The following RREB1 variants were observed in gnomAD, a reference collection of about 807,000 sequenced individuals.
The protein encoded by RREB1 is ras responsive element binding protein 1, also known as ras-responsive element-binding protein 1.
Under a neutral mutation model 117.8 loss-of-function variants are expected in RREB1, and 27 were observed. The observed-to-expected ratio is 0.23, with a 90% CI of 0.17 to 0.32. RREB1 has a LOEUF of 0.32. Among genes scored for constraint, RREB1 ranks in the 10% least tolerant of loss-of-function variants. The pLI is 1.00. For synonymous variants in RREB1, 1,298 were observed against 1,026.7 expected, an observed-to-expected ratio of 1.26 and a Z score of -5.05; for missense variants, 2,577 against 2,378.2, an observed-to-expected ratio of 1.08 and a Z score of -1.74.
intron 6 of RREB1, among the ~76,000 whole-genome samples, chr6:7,194,915 T>G (rs962786618): frequency 1.3e-5 from 2 of 152,224 alleles, no homozygotes; most frequent in African/African-American, 4.8e-5. Flanking sequence ...ACCTGACACC[T>G]CTGTGTCCTA....
Position 7,231,591 on chromosome 6 carries a change from C to A in RREB1, c.3492C>A (p.Arg1164=). Residue 1164 remains arginine, a synonymous_variant, in exon 10 of 13, where the codon CGC becomes CGA. Transcript: ENST00000379938. Reference sequence around the variant, plus strand: ...AAAGGGGGATGAGGAGCCGACCCCGCGCCAACAGCGGCGGGGTGGACCTGG... The same window carrying A: ...AAAGGGGGATGAGGAGCCGACCCCGAGCCAACAGCGGCGGGGTGGACCTGG... ...GRKRGMRSRP[R]ANSGGVDLDS... 1.2e-6 allele frequency: 2 copies of A among 1,611,970 alleles called. No homozygotes were observed. The highest frequency in any genetic ancestry group is 1.3e-5 in the African/African-American group (1 of 75,028).
At chr6:7,241,030 TCC>T (rs931224608) in intron 11 of RREB1, among the ~76,000 whole-genome samples, 7 of 152,168 alleles carry the variant, frequency 4.6e-5, no homozygotes, top group African/African-American at 1.4e-4. Context: ...AGGCCTGGGC[TCC>T]CTGGGATATC....
At chr6:7,155,671 T>G (rs1355351421) in intron 1 of RREB1, among the ~76,000 whole-genome samples, 1 of 152,262 alleles carries the variant, frequency 6.6e-6, no homozygotes, top group African/African-American at 2.4e-5. Flanking sequence ...ATAAAATAGT[T>G]TCCTCCCCTT....
intron 4 of RREB1, 44 bp downstream of exon 4, chr6:7,182,126 A>G (rs776738414): frequency 5.3e-6 from 8 of 1,521,594 alleles, no homozygotes; most frequent in East Asian, 4.5e-5. Flanking sequence ...GGTTCAATCC[A>G]TGAGAACATT....
chr6:7,181,976 C>T lies in RREB1; in HGVS notation c.65C>T (p.Ser22Leu), dbSNP rs1006469231. The T allele has an allele frequency of 4.3e-6, 7 of 1,614,032 alleles. No homozygotes were observed. The highest frequency in any genetic ancestry group is 1.3e-5 in the African/African-American group (1 of 74,934). The change falls in exon 4 of 13, where the codon TCG becomes TTG. Residue 22 changes from serine (S) to leucine (L), a missense_variant. By Grantham distance (145) the Ser-to-Leu change is moderately radical (BLOSUM62 -2). Coordinates refer to ENST00000379938, the MANE Select transcript of RREB1 (RefSeq NM_001003699.4). ...CTATCTTCCATCAACACCATGATGT[C>T]GGCGGTCATGAGTGTAGGGAAGGTC... is the stretch of plus-strand genomic sequence containing the variant. ...SDLSSINTMM[S>L]AVMSVGKVTE...
At chr6:7,157,073 TTTCTC>T (rs1158409697) in intron 1 of RREB1, among the ~76,000 whole-genome samples, 1 of 152,202 alleles carries the variant, frequency 6.6e-6, no homozygotes, top group Non-Finnish European at 1.5e-5. Flanking sequence ...CAGCTCTTCT[TTTCTC>T]TTCTTCTTAC....
intron 1 of RREB1, among the ~76,000 whole-genome samples, chr6:7,156,763 A>G (rs899589442): frequency 3.9e-5 from 6 of 152,226 alleles, no homozygotes; most frequent in Non-Finnish European, 8.8e-5. Flanking sequence ...GCCCTTTGAA[A>G]TAAGACAATC....
At position 7,249,232 on chromosome 6, in the gene RREB1, A is replaced by AT. The variant is rs1769306211; in HGVS notation, c.*269dup. On this transcript the variant is annotated 3_prime_UTR_variant, in exon 13 of 13. Coordinates refer to ENST00000379938, the MANE Select transcript of RREB1 (RefSeq NM_001003699.4). ...CCCTCCATATTATCATGGGTGTTGT[A>AT]TTTTTCCAAAATGACTTCTTAAACA... 2 of 433,342 alleles carry AT rather than the reference A, an allele frequency of 4.6e-6. No homozygotes were observed. Among genetic ancestry groups the AT allele is most frequent in the East Asian group, 6.8e-5 (2 of 29,390 alleles). 26.8% of individuals were successfully genotyped at this position (433,342 alleles called of 1,614,324 possible).
At chr6:7,241,755 C>CT (rs2113171620) in intron 11 of RREB1, among the ~76,000 whole-genome samples, 1 of 152,318 alleles carries the variant, frequency 6.6e-6, no homozygotes, top group East Asian at 1.9e-4. Context: ...ACTGTGAGTG[C>CT]TCTTGACTGC....
At chr6:7,196,217 C>CTT (rs1765660409) in intron 6 of RREB1, among the ~76,000 whole-genome samples, 1 of 109,732 alleles carries the variant, frequency 9.1e-6, no homozygotes, top group African/African-American at 4.2e-5. Context: ...TTTTTTTTTT[C>CTT]GTTTTTTTTT....
intron 1 of RREB1, among the ~76,000 whole-genome samples, chr6:7,139,897 C>G (rs1176439233): frequency 6.6e-6 from 1 of 152,182 alleles, no homozygotes; most frequent in Non-Finnish European, 1.5e-5. Flanking sequence ...TACATAGATG[C>G]TGTTAACAGA....
In RREB1 at chr6:7,223,130, C is replaced by A. The variant is rs1473649620; in HGVS notation, c.708-3337C>A. 1.3e-5 allele frequency among the ~76,000 whole-genome samples: 2 copies of A among 151,878 alleles called. 1 individual carries two copies. Among genetic ancestry groups the A allele is most frequent in the Non-Finnish European group, 2.9e-5 (2 of 67,982 alleles). On this transcript the variant is annotated intron_variant, in intron 8 of 12. Transcript: ENST00000379938. ...AATTAGCCAGGCATAGTGGCACATG[C>A]CTATAGTCCCAGCTATGAAGGGAGG...
At chr6:7,122,248 A>ATC (rs763614157) in intron 1 of RREB1, among the ~76,000 whole-genome samples, 6 of 151,942 alleles carry the variant, frequency 3.9e-5, no homozygotes, top group Non-Finnish European at 7.4e-5. Flanking sequence ...GTGAATTTCC[A>ATC]TCTCTCTCTC....
chr6:7,241,984 G>A (rs1202088057), intron 11 of RREB1, among the ~76,000 whole-genome samples: 2 of 152,200 alleles, frequency 1.3e-5, no homozygotes, highest in Non-Finnish European at 2.9e-5. Flanking sequence ...GCAGGCACGC[G>A]TTTGCTGCAG....
intron 10 of RREB1, among the ~76,000 whole-genome samples, chr6:7,232,485 T>A (rs1768058962): frequency 6.6e-6 from 1 of 152,216 alleles, no homozygotes; most frequent in Non-Finnish European, 1.5e-5. Context: ...ATTGTGAAAA[T>A]CAGCAATGAG....
chr6:7,229,937 A>G lies in RREB1; in HGVS notation c.1838A>G (p.Lys613Arg). Reference sequence around the variant, plus strand: ...CTGCTGCCGCTGAGCATGGAGGCCAAGATCAAGCAGGAGATCACAGAGGGG... The same window carrying G: ...CTGCTGCCGCTGAGCATGGAGGCCAGGATCAAGCAGGAGATCACAGAGGGG... ...EALLPLSMEAKIKQEITEGEL... is the reference protein window; with the variant it reads ...EALLPLSMEARIKQEITEGEL... Residue 613 changes from lysine to arginine, a missense_variant, in exon 10 of 13, where the codon AAG becomes AGG. By Grantham distance (26) the Lys-to-Arg change is conservative. Transcript: ENST00000379938. The surrounding 1 kb of genome is among the most constrained non-coding windows in gnomAD (Gnocchi z 4.5). The G allele has an allele frequency of 6.2e-7, 1 of 1,601,072 alleles. No individual in the cohort carries two copies. The highest frequency in any genetic ancestry group is 8.5e-7 in the Non-Finnish European group (1 of 1,170,802).
intron 1 of RREB1, among the ~76,000 whole-genome samples, chr6:7,149,090 T>C (rs1034595592): frequency 3.3e-5 from 5 of 152,234 alleles, no homozygotes; most frequent in East Asian, 3.9e-4. Context: ...ACCCAGCTAA[T>C]TTTTGTATTT....
At chr6:7,170,167 A>G (rs1236110462) in intron 1 of RREB1, among the ~76,000 whole-genome samples, 1 of 152,252 alleles carries the variant, frequency 6.6e-6, no homozygotes, top group East Asian at 1.9e-4. Flanking sequence ...GGTCAAGACC[A>G]GCGGGGTATT....
At chr6:7,188,145 G>A (rs1765183880) in intron 5 of RREB1, among the ~76,000 whole-genome samples, 1 of 152,114 alleles carries the variant, frequency 6.6e-6, no homozygotes, top group South Asian at 2.1e-4. Context: ...TGCAGCCTGG[G>A]TGACAGACCG....
Sources: allele counts gnomAD v4.1 joint callset (sites outside exome capture counted in the v4.1 genomes callset), GRCh38; gene constraint gnomAD v4.1.1; non-coding constraint Gnocchi (gnomAD v3.1); transcripts MANE v1.5; gene names NCBI Gene and HGNC (gene_info 2026-07-23, HGNC 2026-07-21).